RAB31: variants seen among roughly 807,000 people sequenced by gnomAD.
RAB31 encodes RAB31, member RAS oncogene family, also known as ras-related protein Rab-31.
RAB31 carries 21 observed loss-of-function variants against 25.6 expected under a neutral mutation model. The ratio of observed to expected loss-of-function variants is 0.82; its 90% CI spans 0.58 to 1.18. RAB31 has a LOEUF of 1.18. RAB31 is among the 50% of genes most tolerant of loss of function. The probability of loss-of-function intolerance (pLI) is 0.00; values close to 1 mark genes in which losing one functional copy is unlikely to be tolerated. For missense variants in RAB31, 196 were observed against 250.1 expected (o/e 0.78, Z 1.46); for synonymous variants, 87 against 84.0 (o/e 1.04, Z -0.20).
At chr18:9,784,885 A>G (rs1005807688) in intron 2 of RAB31, among the ~76,000 whole-genome samples, 1 of 152,186 alleles carries the variant, frequency 6.6e-6, no homozygotes, top group African/African-American at 2.4e-5. Flanking sequence ...TATTCATAGA[A>G]AAGGAAAGAT....
intron 2 of RAB31, among the ~76,000 whole-genome samples, chr18:9,781,241 C>T (rs997190119): frequency 3.3e-5 from 5 of 151,950 alleles, no homozygotes; most frequent in South Asian, 2.1e-4. Flanking sequence ...TTCAAATGTT[C>T]GCATTTTCTC....
chr18:9,776,082 G>A (rs138050698), intron 2 of RAB31, among the ~76,000 whole-genome samples: 1 of 152,226 alleles, frequency 6.6e-6, no homozygotes, highest in African/African-American at 2.4e-5. Flanking sequence ...GGGTCACTGC[G>A]CCCAGCCCCT....
intron 1 of RAB31, among the ~76,000 whole-genome samples, chr18:9,713,839 C>G (rs554278947): frequency 2.0e-5 from 3 of 152,330 alleles, no homozygotes; most frequent in African/African-American, 7.2e-5. Flanking sequence ...GGTTTGCAGA[C>G]AGCTGCCTTC....
intron 1 of RAB31, among the ~76,000 whole-genome samples, chr18:9,769,718 A>G (rs2068334477): frequency 6.6e-6 from 1 of 152,086 alleles, no homozygotes; most frequent in Admixed American, 6.6e-5. Context: ...AGAATTTCCA[A>G]TACTATGCTG....
chr18:9,844,004 T>G (rs2068747944), intron 5 of RAB31, among the ~76,000 whole-genome samples: 1 of 152,194 alleles, frequency 6.6e-6, no homozygotes, highest in African/African-American at 2.4e-5. Context: ...GTGGGCGCTC[T>G]CCCATCACTC....
At chr18:9,790,114 A>G (rs998625348) in intron 2 of RAB31, among the ~76,000 whole-genome samples, 5 of 152,212 alleles carry the variant, frequency 3.3e-5, no homozygotes, top group Non-Finnish European at 7.3e-5. Context: ...ATCTCCTAAT[A>G]AGAACATAAT....
intron 6 of RAB31, among the ~76,000 whole-genome samples, chr18:9,858,552 C>T (rs1369142951): frequency 1.3e-5 from 2 of 152,076 alleles, no homozygotes; most frequent in South Asian, 2.1e-4. Context: ...CCTTCCATTG[C>T]CTGTTTAATT....
intron 1 of RAB31, among the ~76,000 whole-genome samples, chr18:9,759,753 C>T (rs2068278388): frequency 1.3e-5 from 2 of 152,052 alleles, no homozygotes; most frequent in Admixed American, 6.5e-5. Context: ...TCGGGCCTCT[C>T]AACTTGAATG....
At chr18:9,763,456 G>A (rs1040127370) in intron 1 of RAB31, among the ~76,000 whole-genome samples, 8 of 151,748 alleles carry the variant, frequency 5.3e-5, no homozygotes, top group Non-Finnish European at 8.8e-5. Context: ...GGAATAAAAC[G>A]AAACATTTAT....
chr18:9,741,797 T>G (rs570676119), intron 1 of RAB31, among the ~76,000 whole-genome samples: 3 of 152,290 alleles, frequency 2.0e-5, no homozygotes, highest in Admixed American at 6.5e-5. Context: ...GGGTGGAGAT[T>G]TCATTTGGAA....
intron 1 of RAB31, among the ~76,000 whole-genome samples, chr18:9,760,757 A>G (rs540746727): frequency 6.6e-6 from 1 of 152,224 alleles, no homozygotes; most frequent in African/African-American, 2.4e-5. Context: ...GGCCCCCGCT[A>G]AGGACGCGTG....
intron 3 of RAB31, among the ~76,000 whole-genome samples, chr18:9,796,123 A>G (rs183337818): frequency 9.4e-4 from 143 of 152,364 alleles, no homozygotes; most frequent in African/African-American, 3.2e-3. Flanking sequence ...ATTATTCTAA[A>G]TGAAGTAACA....
Position 9,733,815 on chromosome 18 carries a change from G to A in RAB31, c.39+25371G>A, listed in dbSNP as rs150393513. Among the ~76,000 whole-genome samples, 333 of 151,938 alleles carry A rather than the reference G, an allele frequency of 2.2e-3. 6 individuals are homozygous for A. The highest frequency in any genetic ancestry group is 7.6e-3 in the African/African-American group (314 of 41,418). ...AAGACTCCCTCAGAGACATTGTACC[G>A]TTGTTTTCTAGTGATCCTTGAAATT... On this transcript the variant is annotated intron_variant, in intron 1 of 6. Coordinates refer to ENST00000578921, the MANE Select transcript of RAB31 (RefSeq NM_006868.4).
rs183486728 is a variant in RAB31 at position 9,778,715 on chromosome 18, C to A, written c.119+3358C>A. ...TGAACTCCTGACCTCAGGTGATCCACCCCCCTTGGCCTCCCAAAGTGCTGG... is the reference window on the plus strand; with the variant it reads ...TGAACTCCTGACCTCAGGTGATCCAACCCCCTTGGCCTCCCAAAGTGCTGG... On this transcript the variant is annotated intron_variant, in intron 2 of 6. Coordinates refer to ENST00000578921, the MANE Select transcript of RAB31 (RefSeq NM_006868.4). Among the ~76,000 whole-genome samples the A allele has an allele frequency of 4.1e-3, 617 of 152,260 alleles. 7 individuals are homozygous for A. Among genetic ancestry groups the A allele is most frequent in the African/African-American group, 0.014 (587 of 41,556 alleles).
chr18:9,834,188 TC>T (rs1011256262), intron 5 of RAB31, among the ~76,000 whole-genome samples: 132 of 152,272 alleles, frequency 8.7e-4, no homozygotes, highest in African/African-American at 3.1e-3. Flanking sequence ...TAATCTTGGC[TC>T]CCTGCAACCT....
intron 2 of RAB31, among the ~76,000 whole-genome samples, chr18:9,783,689 C>T (rs1761042355): frequency 6.6e-6 from 1 of 151,988 alleles, no homozygotes; most frequent in Non-Finnish European, 1.5e-5. Context: ...TGTACTACTA[C>T]AAAAGTTTAG....
chr18:9,719,496 T>C (rs911515643), intron 1 of RAB31, among the ~76,000 whole-genome samples: 1 of 151,468 alleles, frequency 6.6e-6, no homozygotes, highest in Non-Finnish European at 1.5e-5. Context: ...ATCCTATTTG[T>C]TCTCCTCTTT....
At chr18:9,737,104 C>A (rs1462958130) in intron 1 of RAB31, among the ~76,000 whole-genome samples, 1 of 152,152 alleles carries the variant, frequency 6.6e-6, no homozygotes, top group African/African-American at 2.4e-5. Flanking sequence ...CAAGGTGACT[C>A]AGCTTTATGA....
chr18:9,758,724 C>A (rs1181802207), intron 1 of RAB31, among the ~76,000 whole-genome samples: 1 of 152,078 alleles, frequency 6.6e-6, no homozygotes, highest in Admixed American at 6.6e-5. Context: ...CAATGTCACA[C>A]AAGTGAGACA....
Sources: gnomAD v4.1 joint callset for allele counts (sites outside exome capture counted in the v4.1 genomes callset) on GRCh38, gnomAD v4.1.1 for gene constraint, MANE v1.5 for transcripts, NCBI Gene and HGNC (gene_info 2026-07-23, HGNC 2026-07-21) for gene names.